CLCN3: variants seen among roughly 807,000 people sequenced by gnomAD.
CLCN3 encodes H(+)/Cl(-) exchange transporter 3.
CLCN3 carries 16 observed loss-of-function variants against 83.4 expected under a neutral mutation model. The ratio of observed to expected loss-of-function variants is 0.19; its 90% CI spans 0.13 to 0.29. The LOEUF (loss-of-function observed/expected upper bound fraction) is 0.29, where lower values mean the gene tolerates loss of function less well. CLCN3 is among the 10% of genes least tolerant of loss of function. The probability of loss-of-function intolerance (pLI) is 1.00; values close to 1 mark genes in which losing one functional copy is unlikely to be tolerated. For synonymous variants in CLCN3, 322 were observed against 346.2 expected (o/e 0.93, Z 0.78); for missense variants, 544 against 1,006.0 (o/e 0.54, Z 6.21).
At chr4:169,627,070 G>A (rs1448537595) in intron 1 of CLCN3, among the ~76,000 whole-genome samples, 1 of 152,130 alleles carries the variant, frequency 6.6e-6, no homozygotes, top group Non-Finnish European at 1.5e-5. Context: ...GTCTGATCAT[G>A]TGATTTCTCT....
At chr4:169,695,715 T>A (rs2150254184) in intron 8 of CLCN3, 23 bp downstream of exon 8, 1 of 1,471,342 alleles carries the variant, frequency 6.8e-7, no homozygotes, top group Non-Finnish European at 9.5e-7. Flanking sequence ...AATACAACAA[T>A]TAAAATTATA....
rs1733405465 is a variant in CLCN3, at chr4:169,715,881, T to A, written c.2366+2586T>A. 2.6e-5 allele frequency among the ~76,000 whole-genome samples: 4 copies of A among 152,136 alleles called. No individual in the cohort carries two copies. The South Asian group carries it at 8.3e-4, about 31-fold the overall frequency. On this transcript the variant is annotated intron_variant, in intron 12 of 12. Coordinates refer to ENST00000513761, the MANE Select transcript of CLCN3 (RefSeq NM_001829.4). ...TATTGGATTAAATACAATTGAGGTT[T>A]CTTTACTATGGAACTCCTCAGAACT... is the stretch of plus-strand genomic sequence containing the variant.
intron 8 of CLCN3, 33 bp downstream of exon 8, chr4:169,695,725 A>T: frequency 7.3e-7 from 1 of 1,364,088 alleles, no homozygotes; most frequent in South Asian, 1.2e-5. Context: ...TTAAAATTAT[A>T]TATAATTACC....
chr4:169,651,554 A>G lies in CLCN3; in HGVS notation c.160+15466A>G, dbSNP rs146870648. Among the ~76,000 whole-genome samples the G allele has an allele frequency of 4.8e-3, 731 of 152,254 alleles. 5 individuals carry two copies. Among genetic ancestry groups the G allele is most frequent in the African/African-American group, 0.017 (708 of 41,562 alleles). On this transcript the variant is annotated intron_variant, in intron 2 of 12. Transcript: ENST00000513761. ...TAGTATTTGCATATCACCTACACACATCCTCTTATATGCTTTAAATTGTCT... is the reference window on the plus strand; with the variant it reads ...TAGTATTTGCATATCACCTACACACGTCCTCTTATATGCTTTAAATTGTCT...
At chr4:169,639,197 T>G (rs940785746) in intron 2 of CLCN3, among the ~76,000 whole-genome samples, 1 of 152,146 alleles carries the variant, frequency 6.6e-6, no homozygotes, top group Non-Finnish European at 1.5e-5. Context: ...ACCCAGCTAA[T>G]TTTTTAAAAT....
At chr4:169,707,296 T>TAC (rs1298772772) in intron 11 of CLCN3, 30 bp downstream of exon 11, 1 of 1,485,760 alleles carries the variant, frequency 6.7e-7, no homozygotes, top group Non-Finnish European at 9.1e-7. Flanking sequence ...TATATGTATA[T>TAC]ATGAGATGGA....
chr4:169,649,224 G>A (rs1030885867), intron 2 of CLCN3, among the ~76,000 whole-genome samples: 4 of 152,180 alleles, frequency 2.6e-5, no homozygotes, highest in African/African-American at 9.7e-5. Context: ...GAGGTAAAAT[G>A]TCTGGAGTGC....
At position 169,695,556 on chromosome 4, in the gene CLCN3, A is replaced by G. The variant is rs1244922673; in HGVS notation, c.937-56A>G. The G allele has an allele frequency of 4.7e-6, 6 of 1,269,160 alleles. No individual in the cohort carries two copies. The African/African-American group carries it at 7.5e-5, about 16-fold the overall frequency. The allele number at this position is 1,269,160 out of a possible 1,614,324, so 78.6% of individuals were successfully genotyped here. On this transcript the variant is annotated intron_variant, in intron 7 of 12. Transcript: ENST00000513761. ...AATTCAAGTAACATGAAGAATTTTT[A>G]TTTGGTATGTTTGAATTTCTATGAA...
At chr4:169,658,445 A>G (rs527532629) in intron 2 of CLCN3, among the ~76,000 whole-genome samples, 36 of 152,148 alleles carry the variant, frequency 2.4e-4, no homozygotes, top group Middle Eastern at 3.4e-3. Context: ...TACCGGGAAA[A>G]CTTGTGGATA....
intron 2 of CLCN3, among the ~76,000 whole-genome samples, chr4:169,651,509 G>T (rs1252252033): frequency 6.6e-6 from 1 of 152,136 alleles, no homozygotes; most frequent in Non-Finnish European, 1.5e-5. Context: ...GGATTTTCAA[G>T]TCCCCTATAT....
chr4:169,655,634 G>T (rs990817003), intron 2 of CLCN3, among the ~76,000 whole-genome samples: 1 of 152,088 alleles, frequency 6.6e-6, no homozygotes, highest in South Asian at 2.1e-4. Flanking sequence ...AGCTAGGACC[G>T]CAGGCATGTG....
At chr4:169,680,265 A>G in intron 3 of CLCN3, 58 bp downstream of exon 3, 2 of 1,243,280 alleles carry the variant, frequency 1.6e-6, no homozygotes, top group South Asian at 1.4e-5. Context: ...TCTTTTAATA[A>G]TATATTTCTG....
At chr4:169,633,926 A>G (rs1028303212) in intron 1 of CLCN3, among the ~76,000 whole-genome samples, 1 of 149,904 alleles carries the variant, frequency 6.7e-6, no homozygotes, top group African/African-American at 2.5e-5. Context: ...GTACAGCTCT[A>G]TAGGTTTCTG....
At chr4:169,696,405 T>A (rs1003771238) in intron 8 of CLCN3, among the ~76,000 whole-genome samples, 3 of 151,772 alleles carry the variant, frequency 2.0e-5, no homozygotes, top group African/African-American at 7.3e-5. Flanking sequence ...TAACCAGGAA[T>A]TTTTTTTTAA....
At chr4:169,697,165 T>C in intron 8 of CLCN3, 24 bp from the exon 9 acceptor site, 2 of 1,471,306 alleles carry the variant, frequency 1.4e-6, no homozygotes, top group Non-Finnish European at 1.8e-6. Context: ...GCATTAATTT[T>C]TCTTTTCCTT....
intron 9 of CLCN3, among the ~76,000 whole-genome samples, chr4:169,699,887 A>G (rs1732710118): frequency 6.6e-6 from 1 of 152,140 alleles, no homozygotes; most frequent in Non-Finnish European, 1.5e-5. Context: ...GTCTCAAAAA[A>G]TAATAATAAG....
intron 11 of CLCN3, among the ~76,000 whole-genome samples, chr4:169,709,342 G>C (rs1293342929): frequency 6.6e-6 from 1 of 151,508 alleles, no homozygotes; most frequent in Non-Finnish European, 1.5e-5. Context: ...CAAATGAGAT[G>C]TCTCAGATTA....
intron 1 of CLCN3, among the ~76,000 whole-genome samples, chr4:169,631,437 C>G (rs1363016678): frequency 6.6e-6 from 1 of 152,128 alleles, no homozygotes; most frequent in Non-Finnish European, 1.5e-5. Context: ...CAGGCGCCCA[C>G]CACCACGCCC....
intron 2 of CLCN3, among the ~76,000 whole-genome samples, chr4:169,668,724 T>G (rs999894539): frequency 1.2e-4 from 17 of 143,034 alleles, no homozygotes; most frequent in African/African-American, 4.3e-4. Context: ...TCCAAAAAAG[T>G]TTTTGATTTT....
Sources: allele counts gnomAD v4.1 joint callset (sites outside exome capture counted in the v4.1 genomes callset), GRCh38; gene constraint gnomAD v4.1.1; transcripts MANE v1.5; gene names NCBI Gene and HGNC (gene_info 2026-07-23, HGNC 2026-07-21).